The following SLC25A36 variants were observed in gnomAD, a reference collection of about 807,000 sequenced individuals.
SLC25A36 encodes the protein epididymis secretory sperm binding protein.
SLC25A36 carries 24 observed loss-of-function variants against 35.3 expected under a neutral mutation model. The ratio of observed to expected loss-of-function variants is 0.68; its 90% confidence interval spans 0.49 to 0.96. SLC25A36 has a LOEUF of 0.96. Ranked by LOEUF, SLC25A36 falls within the 40% of genes least tolerant of loss-of-function variation. SLC25A36 has a pLI of 0.00. For synonymous variants in SLC25A36, 141 were observed against 132.2 expected (o/e 1.07, Z -0.46); for missense variants, 294 against 381.1 (o/e 0.77, Z 1.90).
chr3:140,967,150 G>C (rs570444151), intron 4 of SLC25A36: 48 of 443,286 alleles, frequency 1.1e-4, no homozygotes, highest in South Asian at 7.4e-4. Context: ...TCCTGAATTT[G>C]TGTGTGCATT....
chr3:140,961,215 T>A (rs968839246), intron 3 of SLC25A36, among the ~76,000 whole-genome samples: 1 of 152,172 alleles, frequency 6.6e-6, no homozygotes, highest in Admixed American at 6.5e-5. Context: ...TAATAGACAG[T>A]TCATGTATAT....
chr3:140,946,437 GA>G (rs970099178), intron 1 of SLC25A36, among the ~76,000 whole-genome samples: 1 of 152,156 alleles, frequency 6.6e-6, no homozygotes, highest in Non-Finnish European at 1.5e-5. Flanking sequence ...AGGAGTCATA[GA>G]ATTTTTAAAG....
intron 5 of SLC25A36, among the ~76,000 whole-genome samples, chr3:140,972,520 T>C (rs1576488629): frequency 6.6e-6 from 1 of 151,290 alleles, no homozygotes. Flanking sequence ...CCTATAATCC[T>C]AGCTACCTGG....
chr3:140,962,971 G>A (rs896742193), intron 3 of SLC25A36, among the ~76,000 whole-genome samples, 156 bp from the exon 4 acceptor site: 1 of 151,896 alleles, frequency 6.6e-6, no homozygotes, highest in African/African-American at 2.4e-5. Flanking sequence ...GTACTTCAGA[G>A]TATTTATGAA....
Position 140,978,068 on chromosome 3 carries a change from A to G in SLC25A36, c.*1615A>G, listed in dbSNP as rs1490537465. 1 of 152,132 alleles carries G rather than the reference A, an allele frequency of 6.6e-6. No homozygotes were observed. Among genetic ancestry groups the G allele is most frequent in the Non-Finnish European group, 1.5e-5 (1 of 68,008 alleles). The allele number at this position is 152,132 out of a possible 1,614,324, so 9.4% of individuals were successfully genotyped here. ...TTCTGTGTACCCTGTCGTACCCCCA[A>G]CATTATAGAATATTGCAGCGTGTCA... On this transcript the variant is annotated 3_prime_UTR_variant, in exon 7 of 7. Coordinates refer to ENST00000324194, the MANE Select transcript of SLC25A36 (RefSeq NM_001104647.3).
chr3:140,942,178 G>A (rs1487018386), intron 1 of SLC25A36, 83 bp downstream of exon 1: 40 of 128,446 alleles, frequency 3.1e-4, no homozygotes, highest in Non-Finnish European at 5.3e-4. Context: ...GGGGGCCGAG[G>A]GGGGTGGGGG....
Position 140,956,665 on chromosome 3 carries a change from G to A in SLC25A36, c.180G>A (p.Val60=), listed in dbSNP as rs138773075. ...TMAGASVNRV[V]SPGPLHCLKV... is the part of the protein sequence containing the mutation. ...CTGGAGCCAGTGTCAACCGAGTAGT[G>A]TCTCCCGGACCTCTTCATTGCCTAA... is the stretch of plus-strand genomic sequence containing the variant. The change falls in exon 2 of 7, where the codon GTG becomes GTA. Residue 60 remains valine (V), a synonymous_variant. Transcript: ENST00000324194. The A allele has an allele frequency of 3.2e-5, 52 of 1,613,270 alleles. 1 individual carries two copies. The South Asian group carries it at 4.0e-4, about 12-fold the overall frequency.
chr3:140,959,092 T>C (rs1934564382), intron 2 of SLC25A36, among the ~76,000 whole-genome samples: 1 of 149,368 alleles, frequency 6.7e-6, no homozygotes, highest in Admixed American at 6.7e-5. Flanking sequence ...CTTGGCTCAC[T>C]GCAATCTCCG....
chr3:140,957,658 T>C (rs1221460980), intron 2 of SLC25A36, among the ~76,000 whole-genome samples: 1 of 152,134 alleles, frequency 6.6e-6, no homozygotes, highest in Non-Finnish European at 1.5e-5. Flanking sequence ...GGAGAATCAC[T>C]TGAACCTGGG....
intron 4 of SLC25A36, chr3:140,963,828 CTCTGTT>C (rs1181697791): frequency 6.7e-6 from 1 of 150,372 alleles, no homozygotes; most frequent in African/African-American, 2.5e-5. Context: ...TCCAGGAACT[CTCTGTT>C]TCTGTCATCA....
chr3:140,964,945 T>C (rs964641219), intron 4 of SLC25A36: 1 of 151,924 alleles, frequency 6.6e-6, no homozygotes, highest in African/African-American at 2.4e-5. Flanking sequence ...TGTACAAATG[T>C]TAACATATAG....
chr3:140,979,247 T>A lies in SLC25A36; in HGVS notation c.*2794T>A, dbSNP rs1935129108. 1.3e-5 allele frequency: 2 copies of A among 152,032 alleles called. No individual in the cohort carries two copies. Among genetic ancestry groups the A allele is most frequent in the African/African-American group, 4.8e-5 (2 of 41,422 alleles). The allele number at this position is 152,032 out of a possible 1,614,324, so 9.4% of individuals were successfully genotyped here. A position where few individuals can be genotyped will look rare whatever the true frequency, so the allele number is the denominator to read the frequency against. On this transcript the variant is annotated 3_prime_UTR_variant, in exon 7 of 7. Transcript: ENST00000324194. ...CATTACTATGTTAGGACCAGCAGAGTTTGGGTTGGTAAAAATAATGTTTGC... is the reference window on the plus strand; with the variant it reads ...CATTACTATGTTAGGACCAGCAGAGATTGGGTTGGTAAAAATAATGTTTGC...
chr3:140,974,612 AT>A (rs1444264752), intron 6 of SLC25A36, among the ~76,000 whole-genome samples: 4 of 152,210 alleles, frequency 2.6e-5, no homozygotes, highest in Non-Finnish European at 5.9e-5. Flanking sequence ...TATTTCATTA[AT>A]AGCTAGGTAA....
At chr3:140,954,041 A>G (rs1383561819) in intron 1 of SLC25A36, among the ~76,000 whole-genome samples, 9 of 152,274 alleles carry the variant, frequency 5.9e-5, no homozygotes. Context: ...CCTTGAAGTC[A>G]CTTTCTTCCC....
chr3:140,973,504 C>T (rs1028752690), intron 5 of SLC25A36, among the ~76,000 whole-genome samples: 1 of 152,080 alleles, frequency 6.6e-6, no homozygotes, highest in Non-Finnish European at 1.5e-5. Flanking sequence ...GTGCATTTTG[C>T]ATTCAGTAAA....
In SLC25A36 at chr3:140,973,903, G is replaced by A; in HGVS notation, c.640G>A (p.Glu214Lys). The stretch of plus-strand genomic sequence containing the variant: ...GGAATATAAGACTGCTTCTACAATG[G>A]AAAATGATGAAGAGTCTGTGAAAGA... ...LLEYKTASTMENDEESVKEAS... is the reference protein window; with the variant it reads ...LLEYKTASTMKNDEESVKEAS... The change falls in exon 6 of 7, where the codon GAA becomes AAA. Residue 214 changes from glutamate (E) to lysine (K), a missense_variant. By Grantham distance (56) the Glu-to-Lys change is moderately conservative. This residue lies in a region of SLC25A36 where 109 missense variants were observed against 179.7 expected (regional missense o/e 0.61). Coordinates refer to ENST00000324194, the MANE Select transcript of SLC25A36 (RefSeq NM_001104647.3). The A allele has an allele frequency of 6.2e-7, 1 of 1,612,686 alleles. No homozygotes were observed. The highest frequency in any genetic ancestry group is 2.2e-5 in the East Asian group (1 of 44,860).
intron 5 of SLC25A36, chr3:140,972,635 GA>G (rs1049122069): frequency 9.2e-5 from 14 of 151,644 alleles, no homozygotes; most frequent in African/African-American, 2.9e-4. Flanking sequence ...AAAAGAAAAA[GA>G]AAAAAATTAA....
At chr3:140,953,266 C>G (rs188975536) in intron 1 of SLC25A36, among the ~76,000 whole-genome samples, 1 of 151,804 alleles carries the variant, frequency 6.6e-6, no homozygotes, top group African/African-American at 2.4e-5. Context: ...TTGAAAATAT[C>G]TTTTCCTTGT....
In SLC25A36 at chr3:140,945,175, C is replaced by T. The variant is rs534012973; in HGVS notation, c.41+3080C>T. On this transcript the variant is annotated intron_variant, in intron 1 of 6. Coordinates refer to ENST00000324194, the MANE Select transcript of SLC25A36 (RefSeq NM_001104647.3). The stretch of plus-strand genomic sequence containing the variant: ...AAGATACTCTCTTGCTGTATCCTCA[C>T]GTAGTAGGAGAGGCTAGCCAAGATC... 2.6e-5 allele frequency among the ~76,000 whole-genome samples: 4 copies of T among 152,272 alleles called. No individual in the cohort carries two copies. In the South Asian group the frequency reaches 6.2e-4, roughly 24 times the overall value.
Sources: gnomAD v4.1 joint callset for allele counts (sites outside exome capture counted in the v4.1 genomes callset) on GRCh38, gnomAD v4.1.1 for gene constraint, gnomAD v4.1.1 regional missense constraint, MANE v1.5 for transcripts, NCBI Gene and HGNC (gene_info 2026-07-23, HGNC 2026-07-21) for gene names.